Variants in CSMD1 observed in about 807,000 individuals in gnomAD.
CSMD1 encodes the protein CUB and sushi domain-containing protein 1.
CSMD1 carries 213 observed loss-of-function variants against 417.5 expected under a neutral mutation model. The observed-to-expected ratio is 0.51, with a 90% CI of 0.46 to 0.57. The LOEUF (loss-of-function observed/expected upper bound fraction) is 0.57, where lower values mean the gene tolerates loss of function less well. Ranked by LOEUF, CSMD1 falls within the 20% of genes least tolerant of loss-of-function variation. The probability of loss-of-function intolerance (pLI) is 0.00; values close to 1 mark genes in which losing one functional copy is unlikely to be tolerated. For missense variants in CSMD1, 6,923 were observed against 4,529.7 expected, an observed-to-expected ratio of 1.53 and a Z score of -15.17; for synonymous variants, 2,862 against 1,736.8, an observed-to-expected ratio of 1.65 and a Z score of -16.11.
At chr8:3,107,614 C>G (rs1816235086) in intron 45 of CSMD1, 104 bp downstream of exon 45, 1 of 626,766 alleles carries the variant, frequency 1.6e-6, no homozygotes, top group Non-Finnish European at 2.7e-6. Context: ...TTTTGTTTCT[C>G]TGACAAATTA....
chr8:4,095,788 T>C (rs1226744249), intron 3 of CSMD1, among the ~76,000 whole-genome samples: 1 of 152,252 alleles, frequency 6.6e-6, no homozygotes, highest in Non-Finnish European at 1.5e-5. Flanking sequence ...TCTAAGGTTT[T>C]ATATATGTAT....
At chr8:3,405,968 TG>T in intron 15 of CSMD1, 58 bp downstream of exon 15, 1 of 1,520,160 alleles carries the variant, frequency 6.6e-7, no homozygotes, top group Non-Finnish European at 9.0e-7. Flanking sequence ...TTTGTGTGTG[TG>T]CCTGAAGATA....
At chr8:4,722,174 C>T (rs897845441) in intron 1 of CSMD1, among the ~76,000 whole-genome samples, 1 of 152,112 alleles carries the variant, frequency 6.6e-6, no homozygotes, top group Non-Finnish European at 1.5e-5. Context: ...TTTACACACA[C>T]ACACATGCTG....
intron 23 of CSMD1, among the ~76,000 whole-genome samples, chr8:3,315,198 G>A (rs537303487): frequency 6.6e-6 from 1 of 152,104 alleles, no homozygotes; most frequent in African/African-American, 2.4e-5. Context: ...ATTTCCTTCA[G>A]TGTAAAGAAC....
At chr8:4,331,043 C>G (rs1053562123) in intron 3 of CSMD1, among the ~76,000 whole-genome samples, 6 of 152,168 alleles carry the variant, frequency 3.9e-5, no homozygotes, top group Admixed American at 2.0e-4. Context: ...ACTGCAGATT[C>G]AATAACTATT....
intron 49 of CSMD1, among the ~76,000 whole-genome samples, chr8:3,060,775 C>T (rs956429659): frequency 6.6e-6 from 1 of 152,268 alleles, no homozygotes; most frequent in African/African-American, 2.4e-5. Flanking sequence ...AAAAGGTGAT[C>T]AGGTCATGAG....
intron 7 of CSMD1, among the ~76,000 whole-genome samples, chr8:3,702,636 G>A (rs961044978): frequency 6.6e-6 from 1 of 152,208 alleles, no homozygotes; most frequent in Non-Finnish European, 1.5e-5. Context: ...TTCAAGATCA[G>A]CTTTTCCAAC....
chr8:4,552,941 T>A (rs952154665), intron 2 of CSMD1, among the ~76,000 whole-genome samples: 1 of 152,180 alleles, frequency 6.6e-6, no homozygotes, highest in Non-Finnish European at 1.5e-5. Flanking sequence ...GGGCCAGGCC[T>A]TCCCTCCCGT....
Position 3,497,095 on chromosome 8 carries a change from C to G in CSMD1, c.1345-3369G>C, listed in dbSNP as rs562644196. 1.4e-4 allele frequency among the ~76,000 whole-genome samples: 22 copies of G among 152,272 alleles called. No individual in the cohort carries two copies. In the South Asian group the frequency reaches 3.9e-3, roughly 27 times the overall value. On this transcript the variant is annotated intron_variant, in intron 10 of 69. Transcript: ENST00000635120. ...TCCTGAAGAATATTCATACCATGTA[C>G]TGATGAGAAAAATGTGTATTATGCA...
Position 3,010,119 on chromosome 8 carries a change from G to T in CSMD1, c.8029+8358C>A, listed in dbSNP as rs544299274. Among the ~76,000 whole-genome samples the T allele has an allele frequency of 4.6e-5, 7 of 152,154 alleles. 1 individual carries two copies. In the South Asian group the frequency reaches 1.2e-3, roughly 27 times the overall value. ...CCTCAAACTTCAGTCCAAATCCACC[G>T]CAGGTGCGCATCTTCCACAAACCCC... is the stretch of plus-strand genomic sequence containing the variant. On this transcript the variant is annotated intron_variant, in intron 52 of 69. Transcript: ENST00000635120.
chr8:3,278,038 G>C (rs1802436128), intron 26 of CSMD1, among the ~76,000 whole-genome samples: 1 of 152,132 alleles, frequency 6.6e-6, no homozygotes, highest in East Asian at 1.9e-4. Flanking sequence ...AGAAGAAAGG[G>C]AGACCCAAGG....
intron 5 of CSMD1, among the ~76,000 whole-genome samples, chr8:3,975,873 ATAT>A (rs1442420386): frequency 6.6e-6 from 1 of 152,154 alleles, no homozygotes; most frequent in African/African-American, 2.4e-5. Context: ...TTTTCCACAA[ATAT>A]TATGTTTTCA....
intron 1 of CSMD1, among the ~76,000 whole-genome samples, chr8:4,859,955 G>A (rs892398722): frequency 2.0e-5 from 3 of 152,168 alleles, no homozygotes; most frequent in East Asian, 1.9e-4. Flanking sequence ...AAAGACACAT[G>A]CACACATATG....
In CSMD1 at chr8:3,289,512, G is replaced by A. The variant is rs1409344638; in HGVS notation, c.3951-5166C>T. ...GTTTTTTCCTGACTTGTTAATGATC[G>A]CCATTCTAACTGGTGTGAGATGGTA... On this transcript the variant is annotated intron_variant, in intron 25 of 69. Transcript: ENST00000635120. Among the ~76,000 whole-genome samples, 4 of 144,930 alleles carry A rather than the reference G, an allele frequency of 2.8e-5. 1 individual carries two copies. The highest frequency in any genetic ancestry group is 2.1e-4 in the South Asian group (1 of 4,742).
chr8:3,052,551 C>G lies in CSMD1; in HGVS notation c.7571G>C (p.Gly2524Ala). 2 of 1,609,234 alleles carry G rather than the reference C, an allele frequency of 1.2e-6. No homozygotes were observed. The highest frequency in any genetic ancestry group is 1.1e-5 in the South Asian group (1 of 89,738). Reference sequence around the variant, plus strand: ...TTGCTGGCTGGATTCAAGCTTGAAGCCCTCATGACATTCATAGACCACTTT... The same window carrying G: ...TTGCTGGCTGGATTCAAGCTTGAAGGCCTCATGACATTCATAGACCACTTT... ...DSKVVYECHE[G>A]FKLESSQQAT... The change falls in exon 50 of 70, where the codon GGC becomes GCC. Residue 2524 changes from glycine (G) to alanine (A), a missense_variant. Coordinates refer to ENST00000635120, the MANE Select transcript of CSMD1 (RefSeq NM_033225.6).
At chr8:4,153,136 T>A (rs184432184) in intron 3 of CSMD1, among the ~76,000 whole-genome samples, 3 of 152,316 alleles carry the variant, frequency 2.0e-5, no homozygotes, top group African/African-American at 7.2e-5. Flanking sequence ...TTGTATTGAA[T>A]ACTGAATCTT....
intron 1 of CSMD1, among the ~76,000 whole-genome samples, chr8:4,805,921 C>T (rs1798561106): frequency 6.6e-6 from 1 of 152,072 alleles, no homozygotes; most frequent in Non-Finnish European, 1.5e-5. Flanking sequence ...GGCTTGTGGA[C>T]CTCAGAGCAG....
chr8:3,213,813 T>C (rs909827506), intron 30 of CSMD1, among the ~76,000 whole-genome samples: 3 of 150,214 alleles, frequency 2.0e-5, no homozygotes, highest in African/African-American at 7.4e-5. Context: ...ATCTCATATA[T>C]ATATATGTGT....
In CSMD1 at chr8:4,550,702, T is replaced by C. The variant is rs1179017611; in HGVS notation, c.302+86640A>G. ...ATATACTCTCCTAACTCACCTTGTC[T>C]ATTATCCAGTCCACAGTGTCACATG... On this transcript the variant is annotated intron_variant, in intron 2 of 69. Coordinates refer to ENST00000635120, the MANE Select transcript of CSMD1 (RefSeq NM_033225.6). Among the ~76,000 whole-genome samples the C allele has an allele frequency of 2.0e-5, 3 of 152,220 alleles. No homozygotes were observed. In the East Asian group the frequency reaches 5.8e-4, roughly 29 times the overall value.
Sources: gnomAD v4.1 joint callset for allele counts (sites outside exome capture counted in the v4.1 genomes callset) on GRCh38, gnomAD v4.1.1 for gene constraint, MANE v1.5 for transcripts, NCBI Gene and HGNC (gene_info 2026-07-23, HGNC 2026-07-21) for gene names.